CSNK1G1: variants seen among roughly 807,000 people sequenced by gnomAD.
CSNK1G1 encodes casein kinase 1 gamma 1, also known as casein kinase I isoform gamma-1.
Under a neutral mutation model 59.6 loss-of-function variants are expected in CSNK1G1, and 22 were observed. The observed-to-expected ratio is 0.37, with a 90% CI of 0.26 to 0.53. The LOEUF is 0.53. Among genes scored for constraint, CSNK1G1 ranks in the 20% least tolerant of loss-of-function variants. CSNK1G1 has a pLI of 0.89. For synonymous variants in CSNK1G1, 179 were observed against 177.1 expected (o/e 1.01, Z -0.08); for missense variants, 384 against 519.5 (o/e 0.74, Z 2.54).
chr15:64,204,632 C>A (rs758115048), intron 8 of CSNK1G1, 43 bp from the exon 9 acceptor site: 1 of 1,595,204 alleles, frequency 6.3e-7, no homozygotes, highest in Non-Finnish European at 8.5e-7. Context: ...TAGCTGAATG[C>A]TTTCCATAGC....
At chr15:64,344,358 A>G (rs1897832263) in intron 1 of CSNK1G1, among the ~76,000 whole-genome samples, 1 of 152,244 alleles carries the variant, frequency 6.6e-6, no homozygotes, top group African/African-American at 2.4e-5. Context: ...TAAATACACC[A>G]CATGAAAGCA....
chr15:64,239,892 GTC>G (rs2140303339), intron 4 of CSNK1G1, among the ~76,000 whole-genome samples: 1 of 152,306 alleles, frequency 6.6e-6, no homozygotes, highest in African/African-American at 2.4e-5. Flanking sequence ...GCAGAAGAAA[GTC>G]TCTGAGCTTG....
At chr15:64,204,354 A>G (rs1596088915) in intron 9 of CSNK1G1, 87 bp downstream of exon 9, 2 of 1,099,354 alleles carry the variant, frequency 1.8e-6, no homozygotes, top group African/African-American at 1.6e-5. Flanking sequence ...ATTCAAGCAG[A>G]AAGACTGGCA....
At chr15:64,257,906 C>T (rs1315601980) in intron 3 of CSNK1G1, among the ~76,000 whole-genome samples, 1 of 152,166 alleles carries the variant, frequency 6.6e-6, no homozygotes, top group Non-Finnish European at 1.5e-5. Context: ...TCCCATCTAT[C>T]CAACAAGAGT....
At chr15:64,181,420 A>G in intron 10 of CSNK1G1, 1 of 1,529,772 alleles carries the variant, frequency 6.5e-7, no homozygotes, top group Non-Finnish European at 8.7e-7. Flanking sequence ...TCTGCTTGTT[A>G]AAGACCTTGG....
chr15:64,314,984 T>C (rs1370736914), intron 1 of CSNK1G1, among the ~76,000 whole-genome samples: 2 of 152,234 alleles, frequency 1.3e-5, no homozygotes, highest in African/African-American at 4.8e-5. Context: ...ATCTTTTGGA[T>C]AAATACCCAG....
intron 5 of CSNK1G1, among the ~76,000 whole-genome samples, chr15:64,215,204 C>CTTTT (rs11343127): frequency 9.8e-5 from 8 of 81,728 alleles, no homozygotes; most frequent in African/African-American, 3.5e-4. Flanking sequence ...TTTCTACTAA[C>CTTTT]TTTTTTTTTT....
chr15:64,310,203 T>C (rs1895916524), intron 1 of CSNK1G1, among the ~76,000 whole-genome samples: 1 of 152,128 alleles, frequency 6.6e-6, no homozygotes, highest in Non-Finnish European at 1.5e-5. Flanking sequence ...GTCAGCTATT[T>C]CATTTTTTCC....
chr15:64,203,411 A>C (rs1158613000), intron 9 of CSNK1G1, among the ~76,000 whole-genome samples: 1 of 152,042 alleles, frequency 6.6e-6, no homozygotes, highest in African/African-American at 2.4e-5. Flanking sequence ...AAAACAAAAA[A>C]CCAGGGCCGG....
chr15:64,211,150 T>C (rs191508215), intron 6 of CSNK1G1, among the ~76,000 whole-genome samples: 11 of 152,320 alleles, frequency 7.2e-5, no homozygotes, highest in Admixed American at 2.6e-4. Context: ...ATGGACTAAG[T>C]AAGTGTGGCT....
In CSNK1G1 at chr15:64,171,625, T is replaced by G; in HGVS notation, c.*306A>C. On this transcript the variant is annotated 3_prime_UTR_variant, in exon 12 of 12. Coordinates refer to ENST00000303052, the MANE Select transcript of CSNK1G1 (RefSeq NM_022048.5). The surrounding 1 kb of genome is among the most constrained non-coding windows in gnomAD (Gnocchi z 4.8). ...AAGAAGGAGAATAGCAGTCCTTGAG[T>G]TTTTGTGAATGACACCTTCACTGTA... The G allele has an allele frequency of 2.4e-6, 1 of 424,156 alleles. No individual in the cohort carries two copies. The highest frequency in any genetic ancestry group is 4.3e-6 in the Non-Finnish European group (1 of 233,170). The allele number at this position is 424,156 out of a possible 1,614,324, so 26.3% of individuals were successfully genotyped here. A position where few individuals can be genotyped will look rare whatever the true frequency, so the allele number is the denominator to read the frequency against.
chr15:64,195,234 T>C (rs1394621121), intron 10 of CSNK1G1, among the ~76,000 whole-genome samples: 1 of 152,188 alleles, frequency 6.6e-6, no homozygotes, highest in African/African-American at 2.4e-5. Flanking sequence ...TAGGATACCA[T>C]GTCTGTTACC....
At chr15:64,263,822 CAAAAA>C (rs869123397) in intron 2 of CSNK1G1, among the ~76,000 whole-genome samples, 5 of 53,798 alleles carry the variant, frequency 9.3e-5, no homozygotes, top group Admixed American at 2.7e-4. Flanking sequence ...TTTTGTTTAC[CAAAAA>C]AAAAAAAAAA....
intron 2 of CSNK1G1, among the ~76,000 whole-genome samples, chr15:64,272,850 A>G (rs1273985066): frequency 6.6e-6 from 1 of 151,962 alleles, no homozygotes; most frequent in Admixed American, 6.6e-5. Flanking sequence ...GGCTCAAGAA[A>G]TCTTGGAATG....
chr15:64,186,216 C>T (rs1034080578), intron 10 of CSNK1G1, among the ~76,000 whole-genome samples: 3 of 152,144 alleles, frequency 2.0e-5, no homozygotes, highest in Non-Finnish European at 4.4e-5. Flanking sequence ...AAGTGATTCT[C>T]CTGCCTCAGC....
Position 64,167,196 on chromosome 15 carries a change from A to G in CSNK1G1, c.*4735T>C, listed in dbSNP as rs1382368987. On this transcript the variant is annotated 3_prime_UTR_variant, in exon 12 of 12. Transcript: ENST00000303052. Reference sequence around the variant, plus strand: ...ATTTTTAAGACTGCTTGCTGGACAAAAGACTTTCAAGATTCCTTACTTGTG... The same window carrying G: ...ATTTTTAAGACTGCTTGCTGGACAAGAGACTTTCAAGATTCCTTACTTGTG... 2 of 152,232 alleles carry G rather than the reference A, an allele frequency of 1.3e-5. No homozygotes were observed. The highest frequency in any genetic ancestry group is 2.4e-5 in the African/African-American group (1 of 41,466). 9.4% of individuals were successfully genotyped at this position (152,232 alleles called of 1,614,324 possible).
intron 4 of CSNK1G1, among the ~76,000 whole-genome samples, chr15:64,220,583 G>A (rs911167385): frequency 2.6e-5 from 4 of 151,244 alleles, no homozygotes; most frequent in African/African-American, 4.9e-5. Context: ...TGCAACCTCC[G>A]CCTCCTGGGT....
chr15:64,215,444 C>T (rs903228166), intron 5 of CSNK1G1, among the ~76,000 whole-genome samples: 4 of 151,870 alleles, frequency 2.6e-5, no homozygotes, highest in Non-Finnish European at 4.4e-5. Flanking sequence ...GATCTCCTGA[C>T]CTCATGATCC....
chr15:64,200,174 G>A lies in CSNK1G1; in HGVS notation c.1107+2908C>T, dbSNP rs1424082843. On this transcript the variant is annotated intron_variant, in intron 10 of 11. Transcript: ENST00000303052. This position sits in a 1 kb window ranked among gnomAD's most constrained non-coding sequence, Gnocchi z 4.3. ...GCAGAAGAATCGCTTGAACTCAGGA[G>A]GCGGAGGTTGCAGTGAGCCAAGATC... Among the ~76,000 whole-genome samples the A allele has an allele frequency of 2.0e-5, 3 of 152,026 alleles. No homozygotes were observed. Among genetic ancestry groups the A allele is most frequent in the East Asian group, 1.9e-4 (1 of 5,152 alleles).
Sources: allele counts gnomAD v4.1 joint callset (sites outside exome capture counted in the v4.1 genomes callset), GRCh38; gene constraint gnomAD v4.1.1; non-coding constraint Gnocchi (gnomAD v3.1); transcripts MANE v1.5; gene names NCBI Gene and HGNC (gene_info 2026-07-23, HGNC 2026-07-21).